TBC1D16: variants seen among roughly 807,000 people sequenced by gnomAD.
TBC1D16 encodes the protein CTD-2529O21.1.
TBC1D16 carries 58 observed loss-of-function variants against 74.7 expected under a neutral mutation model. The ratio of observed to expected loss-of-function variants is 0.78; its 90% CI spans 0.63 to 0.97. The LOEUF (loss-of-function observed/expected upper bound fraction) is 0.97. TBC1D16 is among the 50% of genes least tolerant of loss of function. The pLI is 0.00. For synonymous variants in TBC1D16, 493 were observed against 474.7 expected (o/e 1.04, Z -0.50); for missense variants, 1,014 against 1,079.5 (o/e 0.94, Z 0.85).
Position 79,933,847 on chromosome 17 carries a change from G to A in TBC1D16, c.*7012C>T, listed in dbSNP as rs11651014. On this transcript the variant is annotated 3_prime_UTR_variant, in exon 12 of 12. Transcript: ENST00000310924. ...CGCTCCTGCCTTGCTTCCCTAGAGC[G>A]AGCCCACGGTACCATAGTCCTCGTG... 14,827 of 152,302 alleles carry A rather than the reference G, an allele frequency of 0.097. 933 individuals are homozygous for A. The highest frequency in any genetic ancestry group is 0.15 in the Non-Finnish European group (9,869 of 68,032). 9.4% of individuals were successfully genotyped at this position (152,302 alleles called of 1,614,324 possible). A position where few individuals can be genotyped will look rare whatever the true frequency, so the allele number is the denominator to read the frequency against.
intron 3 of TBC1D16, among the ~76,000 whole-genome samples, chr17:79,960,527 G>A (rs1057183263): frequency 5.3e-5 from 8 of 152,106 alleles, no homozygotes; most frequent in South Asian, 2.1e-4. Flanking sequence ...AAGCTGAGGC[G>A]GGTGGGTCAC....
At chr17:80,003,220 T>C (rs997985374) in intron 3 of TBC1D16, among the ~76,000 whole-genome samples, 10 of 152,022 alleles carry the variant, frequency 6.6e-5, no homozygotes, top group Non-Finnish European at 8.8e-5. Context: ...TTGGACTGAG[T>C]CTGACCTGGC....
rs1297582069 is a variant in TBC1D16 at position 79,961,164 on chromosome 17, T to C, written c.780-8346A>G. 6.6e-6 allele frequency among the ~76,000 whole-genome samples: 1 copy of C among 152,224 alleles called. No individual in the cohort carries two copies. Among genetic ancestry groups the C allele is most frequent in the East Asian group, 1.9e-4 (1 of 5,200 alleles). The stretch of plus-strand genomic sequence containing the variant: ...TCAGCAATAAAAAGGAGCAAACTGC[T>C]GATATGCATGACGATATGGAAGCAT... On this transcript the variant is annotated intron_variant, in intron 3 of 11. Transcript: ENST00000310924. This position sits in a 1 kb window ranked among gnomAD's most constrained non-coding sequence, Gnocchi z 4.8.
At chr17:79,960,498 G>C (rs1026380601) in intron 3 of TBC1D16, among the ~76,000 whole-genome samples, 1 of 152,142 alleles carries the variant, frequency 6.6e-6, no homozygotes, top group African/African-American at 2.4e-5. Context: ...GTTCAAGCTT[G>C]TAATCCCAGC....
intron 3 of TBC1D16, among the ~76,000 whole-genome samples, chr17:79,974,063 A>G (rs1318674056): frequency 6.6e-6 from 1 of 152,186 alleles, no homozygotes; most frequent in East Asian, 1.9e-4. Flanking sequence ...CTGTGGGGCC[A>G]TTATTCAGTC....
chr17:79,949,797 G>A lies in TBC1D16; in HGVS notation c.1326C>T (p.Tyr442=). Residue 442 remains tyrosine (Y), a synonymous_variant, in exon 7 of 12, where the codon TAC becomes TAT. Coordinates refer to ENST00000310924, the MANE Select transcript of TBC1D16 (RefSeq NM_019020.4). ...GEVWPFLLRY[Y]SHESTSEERE... ...GCTCCTCCGACGTGGACTCGTGGCT[G>A]TAATAGCGCAGCAGGAAGGGCCAGA... 1 of 1,613,870 alleles carries A rather than the reference G, an allele frequency of 6.2e-7. No individual in the cohort carries two copies. The highest frequency in any genetic ancestry group is 8.5e-7 in the Non-Finnish European group (1 of 1,179,982).
intron 3 of TBC1D16, among the ~76,000 whole-genome samples, chr17:79,998,814 C>T (rs1441240116): frequency 2.0e-5 from 3 of 152,012 alleles, no homozygotes; most frequent in Non-Finnish European, 4.4e-5. Flanking sequence ...CCACCGCGCC[C>T]GTATGAATGA....
intron 3 of TBC1D16, among the ~76,000 whole-genome samples, chr17:79,996,110 T>C (rs1172850481): frequency 2.0e-5 from 3 of 152,224 alleles, no homozygotes; most frequent in Non-Finnish European, 4.4e-5. Context: ...TTGCAGTGAA[T>C]CGTTTGTATA....
chr17:79,951,369 C>G, intron 5 of TBC1D16, 81 bp downstream of exon 5: 1 of 1,531,946 alleles, frequency 6.5e-7, no homozygotes, highest in Non-Finnish European at 8.8e-7. Flanking sequence ...ACCCCAGACA[C>G]AGGACCCAGG....
At chr17:80,012,611 C>G (rs1211302444) in intron 2 of TBC1D16, among the ~76,000 whole-genome samples, 1 of 151,742 alleles carries the variant, frequency 6.6e-6, no homozygotes, top group Non-Finnish European at 1.5e-5. Flanking sequence ...AAATCTAACT[C>G]TGTTGCCCAG....
chr17:79,954,657 CTG>C lies in TBC1D16; in HGVS notation c.780-1841_780-1840del, dbSNP rs1465363885. ...TCACAACACAGGGCAGGTCTCGAGT[CTG>C]AGGCCCCACCGCACCCATGGGTGCC... is the stretch of plus-strand genomic sequence containing the variant. On this transcript the variant is annotated intron_variant, in intron 3 of 11. Coordinates refer to ENST00000310924, the MANE Select transcript of TBC1D16 (RefSeq NM_019020.4). This position sits in a 1 kb window ranked among gnomAD's most constrained non-coding sequence, Gnocchi z 5.5. 6.6e-6 allele frequency among the ~76,000 whole-genome samples: 1 copy of C among 152,154 alleles called. No individual in the cohort carries two copies. Among genetic ancestry groups the C allele is most frequent in the Admixed American group, 6.5e-5 (1 of 15,288 alleles).
At chr17:79,942,254 G>C (rs1310351595) in intron 10 of TBC1D16, 48 bp from the exon 11 acceptor site, 1 of 1,539,648 alleles carries the variant, frequency 6.5e-7, no homozygotes, top group Non-Finnish European at 8.8e-7. Context: ...CGAGCCCCAG[G>C]CCCTGCACTC....
chr17:79,948,074 G>C (rs2032710618), intron 8 of TBC1D16, among the ~76,000 whole-genome samples: 1 of 151,962 alleles, frequency 6.6e-6, no homozygotes, highest in South Asian at 2.1e-4. Flanking sequence ...ACTTTGGGAG[G>C]CTGAGGTGGG....
rs925271624 is a variant in TBC1D16, at chr17:79,986,103, A to T, written c.779+24057T>A. ...CTGCACTGGCATCTGCCATCCCTCA[A>T]ACGGAGAGATAATCAGGAAATAAAA... On this transcript the variant is annotated intron_variant, in intron 3 of 11. Transcript: ENST00000310924. The surrounding 1 kb of genome is among the most constrained non-coding windows in gnomAD (Gnocchi z 6.0). Among the ~76,000 whole-genome samples the T allele has an allele frequency of 7.2e-5, 11 of 152,238 alleles. No homozygotes were observed.
Position 79,985,732 on chromosome 17 carries a change from C to A in TBC1D16, c.779+24428G>T, listed in dbSNP as rs2034809345. On this transcript the variant is annotated intron_variant, in intron 3 of 11. Coordinates refer to ENST00000310924, the MANE Select transcript of TBC1D16 (RefSeq NM_019020.4). The surrounding 1 kb of genome is among the most constrained non-coding windows in gnomAD (Gnocchi z 4.9). ...AGCTAATTAACTTTCTGTGTGAAGA[C>A]CTCTCTAATTGCGCACACTCCCCCC... Among the ~76,000 whole-genome samples the A allele has an allele frequency of 2.0e-5, 3 of 152,204 alleles. No individual in the cohort carries two copies. In the South Asian group the frequency reaches 6.2e-4, roughly 31 times the overall value.
chr17:79,963,446 A>C (rs1030141435), intron 3 of TBC1D16, among the ~76,000 whole-genome samples: 2 of 152,146 alleles, frequency 1.3e-5, no homozygotes, highest in African/African-American at 2.4e-5. Flanking sequence ...TGGCTGAATA[A>C]TATTCCATTG....
At position 80,016,201 on chromosome 17, in the gene TBC1D16, T is replaced by A. The variant is rs551218047; in HGVS notation, c.-62-2592A>T. On this transcript the variant is annotated intron_variant, in intron 1 of 11. Coordinates refer to ENST00000310924, the MANE Select transcript of TBC1D16 (RefSeq NM_019020.4). The stretch of plus-strand genomic sequence containing the variant: ...ACTGTAGGATTCTACTCGTGTGAGG[T>A]CCCTAGAGCAGTTAGGTTCACAGAG... Among the ~76,000 whole-genome samples, 23 of 150,836 alleles carry A rather than the reference T, an allele frequency of 1.5e-4. No individual in the cohort carries two copies. In the East Asian group the frequency reaches 3.1e-3, roughly 21 times the overall value.
rs1389959487 is a variant in TBC1D16 at position 79,936,573 on chromosome 17, CA to C, written c.*4285del. On this transcript the variant is annotated 3_prime_UTR_variant, in exon 12 of 12. Transcript: ENST00000310924. ...CATACCCGGGGAGAATCGCAGGCAG[CA>C]GGGGCCAGGCCCCTTCCACAGCACT... The C allele has an allele frequency of 6.6e-6, 1 of 152,306 alleles. No individual in the cohort carries two copies. Among genetic ancestry groups the C allele is most frequent in the Non-Finnish European group, 1.5e-5 (1 of 68,116 alleles). 9.4% of individuals were successfully genotyped at this position (152,306 alleles called of 1,614,324 possible). A position where few individuals can be genotyped will look rare whatever the true frequency, so the allele number is the denominator to read the frequency against.
Position 79,949,869 on chromosome 17 carries a change from G to C in TBC1D16, c.1258-4C>G. 6.2e-7 allele frequency: 1 copy of C among 1,611,512 alleles called. No homozygotes were observed. The highest frequency in any genetic ancestry group is 8.5e-7 in the Non-Finnish European group (1 of 1,178,164). ...CAATACCGCCAAAGAAAATGGCCTGGAGGAAGCGGCAAAAGTTGGGGAGGG... is the reference window on the plus strand; with the variant it reads ...CAATACCGCCAAAGAAAATGGCCTGCAGGAAGCGGCAAAAGTTGGGGAGGG... On this transcript the variant is annotated splice_polypyrimidine_tract_variant and splice_region_variant and intron_variant, in intron 6 of 11. Transcript: ENST00000310924.
Sources: gnomAD v4.1 joint callset for allele counts (sites outside exome capture counted in the v4.1 genomes callset) on GRCh38, gnomAD v4.1.1 for gene constraint, Gnocchi (gnomAD v3.1) non-coding constraint, MANE v1.5 for transcripts, NCBI Gene and HGNC (gene_info 2026-07-23, HGNC 2026-07-21) for gene names.